LIPT1: variants seen among roughly 807,000 people sequenced by gnomAD.
LIPT1 encodes lipoyl amidotransferase LIPT1, mitochondrial.
Under a neutral mutation model 25.1 loss-of-function variants are expected in LIPT1, and 22 were observed. The observed-to-expected ratio is 0.88, with a 90% CI of 0.63 to 1.25. The LOEUF (loss-of-function observed/expected upper bound fraction) is 1.25. LIPT1 is among the 50% of genes most tolerant of loss of function. The pLI, the probability that LIPT1 is intolerant of heterozygous loss-of-function variation, is 0.00. For synonymous variants in LIPT1, 131 were observed against 150.8 expected (o/e 0.87, Z 0.96); for missense variants, 399 against 432.8 (o/e 0.92, Z 0.69).
intron 1 of LIPT1, among the ~76,000 whole-genome samples, chr2:99,157,392 C>T (rs369389142): frequency 4.6e-5 from 7 of 152,186 alleles, no homozygotes; most frequent in Non-Finnish European, 7.4e-5. Context: ...CCCCTACCAG[C>T]ATCTAAACAT....
At chr2:99,158,335 T>C (rs2093766529) in intron 1 of LIPT1, among the ~76,000 whole-genome samples, 1 of 150,334 alleles carries the variant, frequency 6.7e-6, no homozygotes, top group Non-Finnish European at 1.5e-5. Context: ...CCTTCATGCC[T>C]GTAATCCGAG....
chr2:99,161,469 T>C (rs2105197134), intron 1 of LIPT1: 1 of 151,896 alleles, frequency 6.6e-6, no homozygotes, highest in Middle Eastern at 3.4e-3. Context: ...TTTTTTCTTC[T>C]TGCTTGTCTG....
chr2:99,155,852 A>G (rs2093746546), intron 1 of LIPT1, among the ~76,000 whole-genome samples: 1 of 152,194 alleles, frequency 6.6e-6, no homozygotes, highest in Non-Finnish European at 1.5e-5. Context: ...TCTTCCCCAG[A>G]GCCCATTCCG....
At chr2:99,155,692 A>G (rs1308575968) in intron 1 of LIPT1, 1 of 377,346 alleles carries the variant, frequency 2.7e-6, no homozygotes, top group Non-Finnish European at 5.2e-6. Context: ...ATCCTGAAAT[A>G]CCGTGCATTA....
chr2:99,157,531 C>T (rs541134110), intron 1 of LIPT1, among the ~76,000 whole-genome samples: 1 of 152,354 alleles, frequency 6.6e-6, no homozygotes, highest in South Asian at 2.1e-4. Context: ...TTACTCAGTA[C>T]ATCTGGTTCT....
chr2:99,162,438 A>T lies in LIPT1; in HGVS notation c.481A>T (p.Lys161Ter), dbSNP rs1172991264. 3 of 1,614,024 alleles carry T rather than the reference A, an allele frequency of 1.9e-6. No homozygotes were observed. The highest frequency in any genetic ancestry group is 2.5e-6 in the Non-Finnish European group (3 of 1,180,036). Reference protein sequence around the residue: ...RFDLLLDGQFKISGTASKIGR... With the variant: ...RFDLLLDGQF ...TGACCTTTTACTTGATGGACAGTTT[A>T]AAATCTCAGGAACAGCTTCTAAGAT... Residue 161 changes from lysine to a stop codon, truncating the protein, a stop_gained, in exon 2 of 2, where the codon AAA becomes TAA. Transcript: ENST00000651691. LOFTEE classifies it high-confidence loss of function.
At chr2:99,155,154 A>T in intron 1 of LIPT1, 103 bp downstream of exon 1, 2 of 431,752 alleles carry the variant, frequency 4.6e-6, no homozygotes, top group Admixed American at 5.1e-5. Context: ...GTGGGTCAGG[A>T]CTTGCGGGTC....
intron 1 of LIPT1, 59 bp from the exon 2 acceptor site, chr2:99,161,898 A>G (rs2093795957): frequency 7.1e-7 from 1 of 1,401,680 alleles, no homozygotes; most frequent in African/African-American, 1.4e-5. Context: ...TAGTTAGAAA[A>G]TAGAATTTAA....
In LIPT1 at chr2:99,162,363, G is replaced by A. The variant is rs368847750; in HGVS notation, c.406G>A (p.Ala136Thr). The change falls in exon 2 of 2, where the codon GCT becomes ACT. Residue 136 changes from alanine to threonine, a missense_variant. Coordinates refer to ENST00000651691, the MANE Select transcript of LIPT1 (RefSeq NM_145199.3). ...GGAAAATCTGAAATTAATTGTGAGA[G>A]CTCTGAATGCTGTCCAACCCCAGCT... ...RMENLKLIVR[A>T]LNAVQPQLDV... is the part of the protein sequence containing the mutation. 1.2e-6 allele frequency: 2 copies of A among 1,613,898 alleles called. No homozygotes were observed. Among genetic ancestry groups the A allele is most frequent in the South Asian group, 2.2e-5 (2 of 91,080 alleles).
At chr2:99,161,347 G>T (rs1269456829) in intron 1 of LIPT1, 7 of 108,054 alleles carry the variant, frequency 6.5e-5, no homozygotes, top group African/African-American at 1.5e-4. Flanking sequence ...TAGATTGAAT[G>T]TCGAATGAAA....
At chr2:99,158,730 T>A (rs2093768328) in intron 1 of LIPT1, among the ~76,000 whole-genome samples, 1 of 152,232 alleles carries the variant, frequency 6.6e-6, no homozygotes, top group Admixed American at 6.5e-5. Context: ...ATTGTTAGAA[T>A]TCTTTTCTTT....
intron 1 of LIPT1, chr2:99,155,342 A>G (rs942858209): frequency 2.7e-6 from 1 of 373,886 alleles, no homozygotes; most frequent in African/African-American, 2.1e-5. Flanking sequence ...GAAGTAAAAC[A>G]TGCACACGAC....
chr2:99,155,368 A>T, intron 1 of LIPT1: 3 of 399,392 alleles, frequency 7.5e-6, no homozygotes, highest in South Asian at 3.6e-5. Context: ...TGAGATTCTG[A>T]GTAAGTTGTA....
Position 99,162,529 on chromosome 2 carries a change from C to A in LIPT1, c.572C>A (p.Ser191Tyr). The A allele has an allele frequency of 6.2e-7, 1 of 1,614,178 alleles. No individual in the cohort carries two copies. The highest frequency in any genetic ancestry group is 8.5e-7 in the Non-Finnish European group (1 of 1,180,022). The part of the protein sequence containing the change: ...LCSTDGTFLS[S>Y]LLKSPYQGIR... ...AGTACTGATGGGACGTTCTTGTCTT[C>A]TTTGCTAAAGAGCCCTTACCAAGGG... Residue 191 changes from serine (S) to tyrosine (Y), a missense_variant, in exon 2 of 2, where the codon TCT becomes TAT. Physicochemically the swap from Ser to Tyr is moderately radical, Grantham distance 144. Coordinates refer to ENST00000651691, the MANE Select transcript of LIPT1 (RefSeq NM_145199.3).
At position 99,155,069 on chromosome 2, in the gene LIPT1, G is replaced by A. The variant is rs1210688345; in HGVS notation, c.-2+18G>A. On this transcript the variant is annotated intron_variant, in intron 1 of 1. Coordinates refer to ENST00000651691, the MANE Select transcript of LIPT1 (RefSeq NM_145199.3). ...AGCCGCAGGTGGGTGAAGCGGAAAC[G>A]CTTCAAACCGGGATGTTGCGGGCCG... 4.4e-6 allele frequency: 2 copies of A among 455,434 alleles called. No homozygotes were observed. Among genetic ancestry groups the A allele is most frequent in the East Asian group, 1.4e-4 (2 of 14,388 alleles). 28.2% of individuals were successfully genotyped at this position (455,434 alleles called of 1,614,324 possible). A position where few individuals can be genotyped will look rare whatever the true frequency, so the allele number is the denominator to read the frequency against.
At chr2:99,160,420 ACTTT>A (rs763639493) in intron 1 of LIPT1, among the ~76,000 whole-genome samples, 5 of 152,176 alleles carry the variant, frequency 3.3e-5, no homozygotes, top group Admixed American at 6.5e-5. Context: ...CTAGTTATGA[ACTTT>A]CTTTATTTAG....
At chr2:99,159,686 A>C (rs1287779593) in intron 1 of LIPT1, among the ~76,000 whole-genome samples, 1 of 152,140 alleles carries the variant, frequency 6.6e-6, no homozygotes, top group Non-Finnish European at 1.5e-5. Flanking sequence ...GGAACTCCAT[A>C]AATACTTGTT....
chr2:99,161,379 G>A (rs1411461370), intron 1 of LIPT1: 2 of 132,982 alleles, frequency 1.5e-5, no homozygotes, highest in African/African-American at 2.9e-5. Context: ...GGAGGGAAAT[G>A]TGTGTGCGTA....
Position 99,162,141 on chromosome 2 carries a change from ATTCTATTC to A in LIPT1, c.187_194del (p.Phe64AlafsTer10). ...CCATATGAATCTAGAAGGCAAACCA[ATTCTATTC>A]TTTTGGCAGAATTCTCCCTCTGTTG... On this transcript the variant is annotated frameshift_variant, in exon 2 of 2. Coordinates refer to ENST00000651691, the MANE Select transcript of LIPT1 (RefSeq NM_145199.3). LOFTEE classifies it high-confidence loss of function. 1 of 1,614,128 alleles carries A rather than the reference ATTCTATTC, an allele frequency of 6.2e-7. No individual in the cohort carries two copies. The highest frequency in any genetic ancestry group is 8.5e-7 in the Non-Finnish European group (1 of 1,179,982).
Sources: allele counts gnomAD v4.1 joint callset (sites outside exome capture counted in the v4.1 genomes callset), GRCh38; gene constraint gnomAD v4.1.1; transcripts MANE v1.5; gene names NCBI Gene and HGNC (gene_info 2026-07-23, HGNC 2026-07-21).